Variants in PTPRD observed in about 807,000 individuals in gnomAD.
PTPRD encodes protein tyrosine phosphatase receptor type D, also known as receptor-type tyrosine-protein phosphatase delta.
PTPRD carries 34 observed loss-of-function variants against 214.5 expected under a neutral mutation model. The observed-to-expected ratio is 0.16, with a 90% CI of 0.12 to 0.21. The LOEUF (loss-of-function observed/expected upper bound fraction) is 0.21. Ranked by LOEUF, PTPRD falls within the 10% of genes least tolerant of loss-of-function variation. The pLI, the probability that PTPRD is intolerant of heterozygous loss-of-function variation, is 1.00. For synonymous variants in PTPRD, 1,128 were observed against 845.7 expected (o/e 1.33, Z -5.79); for missense variants, 2,545 against 2,398.7 (o/e 1.06, Z -1.27).
In PTPRD at chr9:10,252,081, C is replaced by T. The variant is rs188671276; in HGVS notation, c.-545+88882G>A. On this transcript the variant is annotated intron_variant, in intron 3 of 45. Coordinates refer to ENST00000381196, the MANE Select transcript of PTPRD (RefSeq NM_002839.4). ...CCAATGTATACATGTATTCAAACAT[C>T]ATTTTGTACCCCACAGATATATACA... Among the ~76,000 whole-genome samples, 3 of 152,242 alleles carry T rather than the reference C, an allele frequency of 2.0e-5. No individual in the cohort carries two copies. In the East Asian group the frequency reaches 5.8e-4, roughly 29 times the overall value.
At chr9:9,930,278 C>T (rs761488273) in intron 5 of PTPRD, among the ~76,000 whole-genome samples, 4 of 151,878 alleles carry the variant, frequency 2.6e-5, no homozygotes, top group African/African-American at 7.3e-5. Context: ...TTGGGAATAT[C>T]GAAGCCATGG....
At chr9:8,602,421 C>T (rs1253708749) in intron 14 of PTPRD, among the ~76,000 whole-genome samples, 2 of 152,150 alleles carry the variant, frequency 1.3e-5, no homozygotes, top group African/African-American at 2.4e-5. Context: ...TGACTCTTGC[C>T]ACATGATATA....
chr9:9,842,632 C>G (rs2058605965), intron 5 of PTPRD, among the ~76,000 whole-genome samples: 1 of 151,022 alleles, frequency 6.6e-6, no homozygotes, highest in Non-Finnish European at 1.5e-5. Flanking sequence ...CTTTAAGTAA[C>G]ATACCAGTTA....
intron 5 of PTPRD, among the ~76,000 whole-genome samples, chr9:9,922,183 T>A (rs539874424): frequency 6.6e-6 from 1 of 152,126 alleles, no homozygotes; most frequent in African/African-American, 2.4e-5. Context: ...ACGAATGAAC[T>A]GCAGTTCTGA....
intron 8 of PTPRD, among the ~76,000 whole-genome samples, chr9:9,421,091 G>T (rs1030118342): frequency 7.2e-5 from 11 of 151,728 alleles, no homozygotes; most frequent in Non-Finnish European, 1.0e-4. Context: ...TTACATATTT[G>T]TAAATATACA....
chr9:8,911,415 T>TGTTGTGTGTGTGTGTGTG lies in PTPRD; in HGVS notation c.-104+107281_-104+107282insCACACACACACACACAAC, dbSNP rs1555510111. Among the ~76,000 whole-genome samples the TGTTGTGTGTGTGTGTGTG allele has an allele frequency of 4.7e-3, 601 of 127,476 alleles. 4 individuals are homozygous for TGTTGTGTGTGTGTGTGTG. The highest frequency in any genetic ancestry group is 8.0e-3 in the Admixed American group (102 of 12,718). The allele number at this position is 127,476 out of a possible 152,430, so 83.6% of individuals were successfully genotyped here. ...GTGTGTGTCTGTGTGTGTGTGTGTG[T>TGTTGTGTGTGTGTGTGTG]TGTGTGTGTGTGTGTGTGTGTGTGT... On this transcript the variant is annotated intron_variant, in intron 11 of 45. Coordinates refer to ENST00000381196, the MANE Select transcript of PTPRD (RefSeq NM_002839.4).
intron 11 of PTPRD, among the ~76,000 whole-genome samples, chr9:8,784,344 T>C (rs1179562825): frequency 1.3e-5 from 2 of 152,208 alleles, no homozygotes; most frequent in Non-Finnish European, 2.9e-5. Context: ...TAAACGTAAA[T>C]GCATGCTATT....
intron 8 of PTPRD, among the ~76,000 whole-genome samples, chr9:9,465,504 A>T (rs1433879789): frequency 6.6e-6 from 1 of 152,214 alleles, no homozygotes; most frequent in African/African-American, 2.4e-5. Context: ...GGGTGAGAGC[A>T]ATATAAATTT....
intron 11 of PTPRD, among the ~76,000 whole-genome samples, chr9:8,965,754 C>T (rs1228721492): frequency 6.6e-6 from 1 of 152,062 alleles, no homozygotes; most frequent in East Asian, 1.9e-4. Flanking sequence ...TTCTCATCAT[C>T]TCTATCTAAC....
chr9:8,449,711 G>C lies in PTPRD; in HGVS notation c.3988+14C>G, dbSNP rs370860380. ...GAAAGACTGTGTGTGGATTAGATGT[G>C]TGATGCTTCTTACCCGGTGTTTGAA... On this transcript the variant is annotated intron_variant, in intron 34 of 45. Coordinates refer to ENST00000381196, the MANE Select transcript of PTPRD (RefSeq NM_002839.4). 45 of 1,609,442 alleles carry C rather than the reference G, an allele frequency of 2.8e-5. No homozygotes were observed. In the African/African-American group the frequency reaches 5.2e-4, roughly 19 times the overall value.
chr9:10,421,201 G>A (rs2154515898), intron 2 of PTPRD, among the ~76,000 whole-genome samples: 1 of 151,980 alleles, frequency 6.6e-6, no homozygotes, highest in Non-Finnish European at 1.5e-5. Flanking sequence ...CACTACTTCA[G>A]GGGGTTCTGC....
At chr9:8,432,241 T>G (rs1282688862) in intron 35 of PTPRD, among the ~76,000 whole-genome samples, 1 of 152,228 alleles carries the variant, frequency 6.6e-6, no homozygotes, top group Non-Finnish European at 1.5e-5. Context: ...CTACTTAAAT[T>G]CCAGCAGGAC....
chr9:8,787,138 A>AGG (rs2096015107), intron 11 of PTPRD, among the ~76,000 whole-genome samples: 2 of 152,150 alleles, frequency 1.3e-5, no homozygotes, highest in East Asian at 3.9e-4. Flanking sequence ...GCCTGACCTG[A>AGG]GAAAACTATA....
intron 12 of PTPRD, among the ~76,000 whole-genome samples, chr9:8,730,828 G>T (rs1011365856): frequency 4.6e-5 from 7 of 152,158 alleles, no homozygotes; most frequent in Non-Finnish European, 8.8e-5. Flanking sequence ...CTGAAGAAGA[G>T]CTTACTCATG....
chr9:9,373,893 A>C (rs1489057958), intron 9 of PTPRD, among the ~76,000 whole-genome samples: 1 of 151,978 alleles, frequency 6.6e-6, no homozygotes, highest in Non-Finnish European at 1.5e-5. Context: ...GTATTTGTTA[A>C]TTTTTTATAT....
chr9:10,182,504 G>C (rs778662113), intron 3 of PTPRD, among the ~76,000 whole-genome samples: 1 of 151,804 alleles, frequency 6.6e-6, no homozygotes, highest in African/African-American at 2.4e-5. Context: ...AACAGATGCA[G>C]AGCTCTTACT....
rs993898819 is a variant in PTPRD, at chr9:10,181,829, C to T, written c.-544-148039G>A. Among the ~76,000 whole-genome samples the T allele has an allele frequency of 3.5e-5, 5 of 143,102 alleles. No homozygotes were observed. The Admixed American group carries it at 3.6e-4, about 10-fold the overall frequency. 93.9% of individuals were successfully genotyped at this position (143,102 alleles called of 152,430 possible). ...AAATTAACTTCAAATGGATAAAATA[C>T]TAAAATGGGAAAGAAAAATCTACAT... is the stretch of plus-strand genomic sequence containing the variant. On this transcript the variant is annotated intron_variant, in intron 3 of 45. Transcript: ENST00000381196.
intron 8 of PTPRD, among the ~76,000 whole-genome samples, chr9:9,484,722 C>T (rs565572900): frequency 2.6e-5 from 4 of 152,180 alleles, no homozygotes; most frequent in African/African-American, 4.8e-5. Flanking sequence ...CAAAATTTTA[C>T]GAGGTCATAT....
rs11542527 is a variant in PTPRD at position 8,316,278 on chromosome 9, C to G, written c.*1596G>C. 2 of 230,476 alleles carry G rather than the reference C, an allele frequency of 8.7e-6. No individual in the cohort carries two copies. Among genetic ancestry groups the G allele is most frequent in the Admixed American group, 5.7e-5 (1 of 17,626 alleles). 14.3% of individuals were successfully genotyped at this position (230,476 alleles called of 1,614,324 possible). On this transcript the variant is annotated 3_prime_UTR_variant, in exon 46 of 46. Coordinates refer to ENST00000381196, the MANE Select transcript of PTPRD (RefSeq NM_002839.4). ...TTTAATAGAAAGTAACAGATACGAA[C>G]AGTGAATGGAAATACGAACCAAAAG...
Sources: allele counts gnomAD v4.1 joint callset (sites outside exome capture counted in the v4.1 genomes callset), GRCh38; gene constraint gnomAD v4.1.1; transcripts MANE v1.5; gene names NCBI Gene and HGNC (gene_info 2026-07-23, HGNC 2026-07-21).